TEX2: variants seen among roughly 807,000 people sequenced by gnomAD.
TEX2 encodes the protein testis-expressed protein 2.
A neutral mutation model predicts 106.9 loss-of-function variants in TEX2; 53 were observed. The ratio of observed to expected loss-of-function variants is 0.50; its 90% confidence interval spans 0.40 to 0.62. The LOEUF is 0.62. Among genes scored for constraint, TEX2 ranks in the 20% least tolerant of loss-of-function variants. The pLI, the probability that TEX2 is intolerant of heterozygous loss-of-function variation, is 0.00. For synonymous variants in TEX2, 523 were observed against 534.8 expected, an observed-to-expected ratio of 0.98 and a Z score of 0.30; for missense variants, 1,207 against 1,379.0, an observed-to-expected ratio of 0.88 and a Z score of 1.98.
chr17:64,203,555 C>G (rs916415415), intron 2 of TEX2, among the ~76,000 whole-genome samples: 2 of 152,152 alleles, frequency 1.3e-5, no homozygotes, highest in Admixed American at 6.5e-5. Context: ...CACCATAGAT[C>G]ATGGAGTTTG....
At chr17:64,190,902 C>T (rs990090763) in intron 4 of TEX2, among the ~76,000 whole-genome samples, 3 of 152,196 alleles carry the variant, frequency 2.0e-5, no homozygotes, top group African/African-American at 7.2e-5. Context: ...AGGGAGAGGA[C>T]AGGGCAGGTC....
At chr17:64,218,536 G>A (rs977870187) in intron 1 of TEX2, among the ~76,000 whole-genome samples, 5 of 151,108 alleles carry the variant, frequency 3.3e-5, no homozygotes, top group Admixed American at 1.3e-4. Context: ...CTCCTGCCTC[G>A]GGCTCCCCAG....
intron 7 of TEX2, among the ~76,000 whole-genome samples, chr17:64,166,466 T>G (rs2031141582): frequency 6.6e-6 from 1 of 152,190 alleles, no homozygotes; most frequent in South Asian, 2.1e-4. Flanking sequence ...TGAAACAGGT[T>G]GGAAGTGTGA....
chr17:64,155,243 T>A lies in TEX2; in HGVS notation c.2805-276A>T, dbSNP rs527555098. 5.4e-5 allele frequency: 18 copies of A among 331,312 alleles called. No individual in the cohort carries two copies. The South Asian group carries it at 2.5e-3, about 46-fold the overall frequency. 20.5% of individuals were successfully genotyped at this position (331,312 alleles called of 1,614,324 possible). ...AGAAGAGGTTGCTTTTGAGCATGCG[T>A]CAGAAGGACAGGAGGTGGGAGTGTG... is the stretch of plus-strand genomic sequence containing the variant. On this transcript the variant is annotated intron_variant, in intron 8 of 11. Transcript: ENST00000584379.
intron 2 of TEX2, among the ~76,000 whole-genome samples, chr17:64,200,416 A>C (rs1555629949): frequency 6.6e-6 from 1 of 152,234 alleles, no homozygotes; most frequent in Non-Finnish European, 1.5e-5. Context: ...TTCGGTTTTT[A>C]GCCACAAAGC....
Position 64,194,846 on chromosome 17 carries a change from T to C in TEX2, c.1845+49A>G, listed in dbSNP as rs1162739842. 46 of 1,572,796 alleles carry C rather than the reference T, an allele frequency of 2.9e-5. No individual in the cohort carries two copies. In the Admixed American group the frequency reaches 4.9e-4, roughly 17 times the overall value. On this transcript the variant is annotated intron_variant, in intron 3 of 11. Transcript: ENST00000584379. ...ATGCAGTTAAGCATCCAAGATGCCATATGCTTTTCATTCATCTAAGCTATC... is the reference window on the plus strand; with the variant it reads ...ATGCAGTTAAGCATCCAAGATGCCACATGCTTTTCATTCATCTAAGCTATC...
intron 5 of TEX2, among the ~76,000 whole-genome samples, chr17:64,183,103 G>A (rs950250875): frequency 2.6e-5 from 4 of 151,908 alleles, no homozygotes; most frequent in Non-Finnish European, 5.9e-5. Flanking sequence ...ATGGGGTTTC[G>A]CCATATTGGC....
intron 6 of TEX2, 130 bp from the exon 7 acceptor site, chr17:64,171,329 G>A (rs932265765): frequency 4.2e-6 from 3 of 710,442 alleles, no homozygotes; most frequent in Admixed American, 4.2e-5. Context: ...TAACGAAAAC[G>A]TAATGTGCAC....
intron 2 of TEX2, among the ~76,000 whole-genome samples, chr17:64,200,583 G>A (rs1321055194): frequency 6.6e-6 from 1 of 152,182 alleles, no homozygotes; most frequent in Non-Finnish European, 1.5e-5. Flanking sequence ...GACAGATAAA[G>A]GTCATCCTCT....
chr17:64,149,176 T>C, intron 11 of TEX2, 85 bp from the exon 12 acceptor site: 1 of 1,452,930 alleles, frequency 6.9e-7, no homozygotes, highest in East Asian at 2.4e-5. Flanking sequence ...TTTTAGGGCT[T>C]AGACTGATTT....
chr17:64,210,634 C>CCTTTTTTTTTTTT (rs1360266899), intron 2 of TEX2, among the ~76,000 whole-genome samples: 2 of 74,786 alleles, frequency 2.7e-5, no homozygotes, highest in African/African-American at 1.2e-4. Context: ...CAACCCCCAG[C>CCTTTTTTTTTTTT]TTTTTTTTTT....
chr17:64,195,221 A>C lies in TEX2; in HGVS notation c.1645-126T>G. ...TTGATCACGACACAGATATCAGCTC[A>C]CCAATGACTACAGGTTGCAAAGAGA... On this transcript the variant is annotated intron_variant, in intron 2 of 11. Coordinates refer to ENST00000584379, the MANE Select transcript of TEX2 (RefSeq NM_001288732.2). This position sits in a 1 kb window ranked among gnomAD's most constrained non-coding sequence, Gnocchi z 4.1. 1 of 825,470 alleles carries C rather than the reference A, an allele frequency of 1.2e-6. No individual in the cohort carries two copies. The highest frequency in any genetic ancestry group is 2.0e-6 in the Non-Finnish European group (1 of 510,946). The allele number at this position is 825,470 out of a possible 1,614,324, so 51.1% of individuals were successfully genotyped here. A position where few individuals can be genotyped will look rare whatever the true frequency, so the allele number is the denominator to read the frequency against.
chr17:64,172,956 T>G (rs369570532), intron 6 of TEX2, among the ~76,000 whole-genome samples: 22 of 152,210 alleles, frequency 1.4e-4, no homozygotes, highest in East Asian at 1.2e-3. Context: ...CTGCTTGGAT[T>G]TGTGGATGTA....
Position 64,213,227 on chromosome 17 carries a change from G to T in TEX2, c.991C>A (p.Leu331Met). ...LSSSASELSN[L>M]SSLNGHLESN... ...TCCAAGTGCCCATTCAAGCTGGACA[G>T]ATTGGAGAGTTCTGAAGCACTTGAA... Residue 331 changes from leucine (L) to methionine (M), a missense_variant, in exon 2 of 12, where the codon CTG becomes ATG. Coordinates refer to ENST00000584379, the MANE Select transcript of TEX2 (RefSeq NM_001288732.2). This position sits in a 1 kb window ranked among gnomAD's most constrained non-coding sequence, Gnocchi z 4.4. The T allele has an allele frequency of 6.2e-7, 1 of 1,614,204 alleles. No individual in the cohort carries two copies.
In TEX2 at chr17:64,214,164, T is replaced by C. The variant is rs782071963; in HGVS notation, c.54A>G (p.Pro18=). The C allele has an allele frequency of 1.9e-6, 3 of 1,614,168 alleles. No individual in the cohort carries two copies. Among genetic ancestry groups the C allele is most frequent in the Non-Finnish European group, 2.5e-6 (3 of 1,180,014 alleles). The part of the protein sequence containing the change: ...HAEKTTDMPK[P]SAPKVHVQRS... ...TCTGCACGTGCACTTTAGGGGCTGA[T>C]GGTTTTGGCATGTCAGTGGTTTTCT... Residue 18 remains proline, a synonymous_variant, in exon 2 of 12, where the codon CCA becomes CCG. Transcript: ENST00000584379.
At position 64,185,337 on chromosome 17, in the gene TEX2, A is replaced by C. The variant is rs976217116; in HGVS notation, c.2424+2831T>G. On this transcript the variant is annotated intron_variant, in intron 5 of 11. Transcript: ENST00000584379. This position sits in a 1 kb window ranked among gnomAD's most constrained non-coding sequence, Gnocchi z 4.0. ...CCCAGGCAGGCAATGCAGGGCACACAGAACCAGCAGCCTCCCTGGACTCAC... is the reference window on the plus strand; with the variant it reads ...CCCAGGCAGGCAATGCAGGGCACACCGAACCAGCAGCCTCCCTGGACTCAC... Among the ~76,000 whole-genome samples, 7 of 152,224 alleles carry C rather than the reference A, an allele frequency of 4.6e-5. No homozygotes were observed. Among genetic ancestry groups the C allele is most frequent in the Admixed American group, 3.9e-4 (6 of 15,282 alleles).
Position 64,193,636 on chromosome 17 carries a change from C to T in TEX2, c.2099G>A (p.Trp700Ter). 2 of 1,545,978 alleles carry T rather than the reference C, an allele frequency of 1.3e-6. No homozygotes were observed. The highest frequency in any genetic ancestry group is 1.7e-6 in the Non-Finnish European group (2 of 1,143,974). ...AGATGCCAGAATAAATCTCCTAAACCATTCCTCTTTTTCTCGGCCAGTTCT... is the reference window on the plus strand; with the variant it reads ...AGATGCCAGAATAAATCTCCTAAACTATTCCTCTTTTTCTCGGCCAGTTCT... The part of the protein sequence containing the change: ...FGRTGREKEE[W>*]FRRFILASKL... The change falls in exon 4 of 12, where the codon TGG becomes TAG. Residue 700 changes from tryptophan to a stop codon, truncating the protein, a stop_gained. Coordinates refer to ENST00000584379, the MANE Select transcript of TEX2 (RefSeq NM_001288732.2). LOFTEE classifies it high-confidence loss of function.
At chr17:64,214,769 C>G (rs1448807698) in intron 1 of TEX2, among the ~76,000 whole-genome samples, 2 of 152,206 alleles carry the variant, frequency 1.3e-5, no homozygotes, top group Non-Finnish European at 2.9e-5. Context: ...CAACTTCCTG[C>G]TATTGCAAGT....
intron 2 of TEX2, among the ~76,000 whole-genome samples, chr17:64,208,080 T>G (rs8078899): frequency 0.067 from 10,224 of 152,152 alleles, 1,147 homozygotes; most frequent in African/African-American, 0.23. Flanking sequence ...AGGGCAGCAC[T>G]GCGTGAGCAC....
Sources: allele counts gnomAD v4.1 joint callset (sites outside exome capture counted in the v4.1 genomes callset), GRCh38; gene constraint gnomAD v4.1.1; non-coding constraint Gnocchi (gnomAD v3.1); transcripts MANE v1.5; gene names NCBI Gene and HGNC (gene_info 2026-07-23, HGNC 2026-07-21).